BEST3: variants seen among roughly 807,000 people sequenced by gnomAD.
The protein encoded by BEST3 is bestrophin-3.
Under a neutral mutation model 47.1 loss-of-function variants are expected in BEST3, and 50 were observed. The observed-to-expected ratio is 1.06, with a 90% CI of 0.85 to 1.34. The LOEUF (loss-of-function observed/expected upper bound fraction) is 1.34, where lower values mean the gene tolerates loss of function less well. Among genes scored for constraint, BEST3 ranks in the 40% most tolerant of loss-of-function variants. The pLI is 0.00. For synonymous variants in BEST3, 282 were observed against 298.8 expected, an observed-to-expected ratio of 0.94 and a Z score of 0.58; for missense variants, 765 against 817.0, an observed-to-expected ratio of 0.94 and a Z score of 0.78.
Position 69,648,225 on chromosome 12 carries a change from C to T in BEST3, c.1101-4438G>A, listed in dbSNP as rs540395602. On this transcript the variant is annotated intron_variant, in intron 9 of 9. Transcript: ENST00000331471. ...CCCTAGGTTCTCTGGAGGGAGATCC[C>T]TAGGGTCTCTGGAGGGAGGTGGAGG... 2.0e-5 allele frequency among the ~76,000 whole-genome samples: 3 copies of T among 152,126 alleles called. No individual in the cohort carries two copies. The East Asian group carries it at 5.8e-4, about 29-fold the overall frequency.
rs749049161 is a variant in BEST3 at position 69,678,749 on chromosome 12, G to T, written c.626C>A (p.Ser209Ter). 1 of 1,613,864 alleles carries T rather than the reference G, an allele frequency of 6.2e-7. No homozygotes were observed. The highest frequency in any genetic ancestry group is 1.1e-5 in the South Asian group (1 of 91,052). The change falls in exon 5 of 10, where the codon TCA (serine) becomes TAA (stop). Residue 209 changes from serine (S) to a stop codon, truncating the protein, a stop_gained. Coordinates refer to ENST00000330891, the MANE Select transcript of BEST3 (RefSeq NM_032735.3). LOFTEE classifies it high-confidence loss of function. ...GRIRDSVDLQ[S>*]LMTEMNRYRS... ...TTATGATATACTTACAGTCATCAAT[G>T]ATTGCAGATCAACACTGTCTCTGAT...
rs542288275 is a variant in BEST3, at chr12:69,660,987, T to C, written c.1101-5174A>G. The C allele has an allele frequency of 2.0e-5, 3 of 152,296 alleles. No individual in the cohort carries two copies. In the South Asian group the frequency reaches 6.2e-4, roughly 32 times the overall value. The allele number at this position is 152,296 out of a possible 1,614,324, so 9.4% of individuals were successfully genotyped here. ...AGGGCATAAGCAGCCATGATTTAATTAGAAACTTTAAAAGATGCTTGGGCT... is the reference window on the plus strand; with the variant it reads ...AGGGCATAAGCAGCCATGATTTAATCAGAAACTTTAAAAGATGCTTGGGCT... On this transcript the variant is annotated intron_variant, in intron 9 of 9. Transcript: ENST00000330891.
At chr12:69,679,602 C>T (rs1236097038) in intron 4 of BEST3, among the ~76,000 whole-genome samples, 5 of 152,286 alleles carry the variant, frequency 3.3e-5, no homozygotes, top group Admixed American at 6.5e-5. Flanking sequence ...GGCTCACGCC[C>T]TTAATCCCAG....
chr12:69,647,342 C>T (rs1867445), intron 9 of BEST3, among the ~76,000 whole-genome samples: 19,595 of 152,116 alleles, frequency 0.13, 1,525 homozygotes, highest in East Asian at 0.23. Flanking sequence ...GATTTTTAGT[C>T]GGCTTTTGTG....
chr12:69,684,603 T>A, intron 4 of BEST3: 1 of 677,040 alleles, frequency 1.5e-6, no homozygotes, highest in Non-Finnish European at 2.8e-6. Flanking sequence ...TTCATGCCAG[T>A]TCTTTCTGAA....
At chr12:69,695,552 G>T (rs943045575) in intron 2 of BEST3, among the ~76,000 whole-genome samples, 1 of 152,130 alleles carries the variant, frequency 6.6e-6, no homozygotes, top group Non-Finnish European at 1.5e-5. Flanking sequence ...TGTTGCAGAG[G>T]TCTATCAGGG....
chr12:69,675,298 T>C (rs1051433391), intron 7 of BEST3, among the ~76,000 whole-genome samples: 1 of 151,986 alleles, frequency 6.6e-6, no homozygotes, highest in Non-Finnish European at 1.5e-5. Context: ...TTTTGTATTT[T>C]TTTTGTAGAG....
At chr12:69,652,592 T>TA (rs1883245916), downstream of BEST3, among the ~76,000 whole-genome samples, 1 of 152,098 alleles carries the variant, frequency 6.6e-6, no homozygotes, top group African/African-American at 2.4e-5. Context: ...TTGAGGAAAT[T>TA]AAAAAATTAT....
chr12:69,661,914 C>T (rs527687385), intron 9 of BEST3, among the ~76,000 whole-genome samples: 4 of 152,316 alleles, frequency 2.6e-5, no homozygotes, highest in Middle Eastern at 3.4e-3. Flanking sequence ...GCTTATCTAG[C>T]TACATCCTAC....
chr12:69,673,294 A>T (rs2135967842), intron 7 of BEST3, among the ~76,000 whole-genome samples: 1 of 152,274 alleles, frequency 6.6e-6, no homozygotes, highest in African/African-American at 2.4e-5. Flanking sequence ...TTTGCAAGGC[A>T]CTCTGAAGGG....
At chr12:69,666,322 T>C (rs1219121994) in intron 9 of BEST3, among the ~76,000 whole-genome samples, 2 of 152,220 alleles carry the variant, frequency 1.3e-5, no homozygotes, top group African/African-American at 2.4e-5. Context: ...CTGGCCCGGT[T>C]TGAATTTTTC....
intron 9 of BEST3, among the ~76,000 whole-genome samples, chr12:69,667,190 A>T (rs1287072460): frequency 6.6e-6 from 1 of 152,114 alleles, no homozygotes; most frequent in African/African-American, 2.4e-5. Flanking sequence ...CTCTGAGTAT[A>T]CTATTTATTA....
At chr12:69,673,433 A>G (rs1031672782) in intron 7 of BEST3, among the ~76,000 whole-genome samples, 2 of 152,216 alleles carry the variant, frequency 1.3e-5, no homozygotes, top group Non-Finnish European at 2.9e-5. Flanking sequence ...GGCTTTCACA[A>G]TTTATTTTTA....
intron 9 of BEST3, among the ~76,000 whole-genome samples, chr12:69,646,028 CG>C (rs1228963720): frequency 6.6e-6 from 1 of 152,130 alleles, no homozygotes; most frequent in Non-Finnish European, 1.5e-5. Flanking sequence ...CCTCTGCCCC[CG>C]AGGTTCAAGT....
At chr12:69,659,988 AG>A (rs1198012816) in intron 9 of BEST3, 6 of 152,112 alleles carry the variant, frequency 3.9e-5, no homozygotes, top group Admixed American at 2.0e-4. Context: ...ATCAGTTTCC[AG>A]GGATAAAATT....
At position 69,653,609 on chromosome 12, in the gene BEST3, T is replaced by C. The variant is rs1383000879; in HGVS notation, c.*1298A>G. The C allele has an allele frequency of 2.5e-5, 24 of 978,636 alleles. No homozygotes were observed. The highest frequency in any genetic ancestry group is 2.8e-5 in the Non-Finnish European group (23 of 823,962). 60.6% of individuals were successfully genotyped at this position (978,636 alleles called of 1,614,324 possible). On this transcript the variant is annotated 3_prime_UTR_variant, in exon 10 of 10. Coordinates refer to ENST00000330891, the MANE Select transcript of BEST3 (RefSeq NM_032735.3). ...AACAGTGTAAGCACTCAATAAATGG[T>C]AGTTTTGAGGGTTATTTTATTTCTA...
chr12:69,644,264 A>G (rs1882964621), intron 9 of BEST3, among the ~76,000 whole-genome samples: 2 of 152,212 alleles, frequency 1.3e-5, no homozygotes, highest in African/African-American at 4.8e-5. Flanking sequence ...ACAGTAGTTT[A>G]TTTCCCCAAA....
chr12:69,668,070 T>C (rs1015695793), intron 9 of BEST3, among the ~76,000 whole-genome samples: 4 of 152,156 alleles, frequency 2.6e-5, no homozygotes, highest in Non-Finnish European at 1.5e-5. Context: ...GAAGTGGAAA[T>C]GAACAGTGTG....
intron 4 of BEST3, among the ~76,000 whole-genome samples, chr12:69,679,408 T>C (rs551213672): frequency 7.2e-4 from 110 of 152,352 alleles, no homozygotes; most frequent in Admixed American, 1.2e-3. Context: ...TTCTCTTTCC[T>C]GAGGGATTTC....
Sources: allele counts gnomAD v4.1 joint callset (sites outside exome capture counted in the v4.1 genomes callset), GRCh38; gene constraint gnomAD v4.1.1; transcripts MANE v1.5; gene names NCBI Gene and HGNC (gene_info 2026-07-23, HGNC 2026-07-21).